FKBP5: variants seen among roughly 807,000 people sequenced by gnomAD.
The protein encoded by FKBP5 is peptidyl-prolyl cis-trans isomerase FKBP5.
Under a neutral mutation model 50.5 loss-of-function variants are expected in FKBP5, and 23 were observed. The observed-to-expected ratio is 0.46, with a 90% CI of 0.33 to 0.65. The LOEUF is 0.65. Ranked by LOEUF, FKBP5 falls within the 30% of genes least tolerant of loss-of-function variation. The probability of loss-of-function intolerance (pLI) is 0.02; values close to 1 mark genes in which losing one functional copy is unlikely to be tolerated. For synonymous variants in FKBP5, 176 were observed against 190.6 expected (o/e 0.92, Z 0.63); for missense variants, 411 against 553.1 (o/e 0.74, Z 2.58).
intron 8 of FKBP5, 43 bp from the exon 9 acceptor site, chr6:35,580,264 G>C: frequency 6.7e-7 from 1 of 1,496,316 alleles, no homozygotes; most frequent in Non-Finnish European, 9.1e-7. Flanking sequence ...GCTCTTGAGG[G>C]GGTACAAAAG....
At chr6:35,593,453 T>C (rs1762882977) in intron 6 of FKBP5, among the ~76,000 whole-genome samples, 1 of 152,220 alleles carries the variant, frequency 6.6e-6, no homozygotes, top group Non-Finnish European at 1.5e-5. Context: ...CAGGCAGTGG[T>C]AGAGCCAGGT....
At chr6:35,722,256 T>C (rs1766624936) in intron 1 of FKBP5, among the ~76,000 whole-genome samples, 1 of 152,208 alleles carries the variant, frequency 6.6e-6, no homozygotes, top group Non-Finnish European at 1.5e-5. Flanking sequence ...TGGGGTTTAA[T>C]GACCCATTCA....
intron 5 of FKBP5, among the ~76,000 whole-genome samples, chr6:35,610,762 T>C (rs943585808): frequency 6.6e-6 from 1 of 152,034 alleles, no homozygotes; most frequent in East Asian, 1.9e-4. Context: ...AGTCAGACCG[T>C]AGTCTAGTAG....
At position 35,695,376 on chromosome 6, in the gene FKBP5, G is replaced by A. The variant is rs546227886; in HGVS notation, c.-20+24952C>T. On this transcript the variant is annotated intron_variant, in intron 2 of 11. Transcript: ENST00000536438. ...AGACTGGGTTTCACCATGTTGGCCA[G>A]GCTGGTCTCAAACTCCTGACCTCAA... is the stretch of plus-strand genomic sequence containing the variant. Among the ~76,000 whole-genome samples the A allele has an allele frequency of 4.6e-5, 7 of 152,300 alleles. No individual in the cohort carries two copies. In the South Asian group the frequency reaches 1.4e-3, roughly 32 times the overall value.
At chr6:35,585,430 A>T (rs547784218) in intron 8 of FKBP5, 1 of 985,210 alleles carries the variant, frequency 1.0e-6, no homozygotes, top group East Asian at 1.1e-4. Context: ...GAGAGTTTAG[A>T]AACTCACAGA....
intron 1 of FKBP5, among the ~76,000 whole-genome samples, chr6:35,676,611 T>TTA (rs1309852193): frequency 6.6e-6 from 1 of 152,256 alleles, no homozygotes; most frequent in Non-Finnish European, 1.5e-5. Flanking sequence ...AATCATTAAA[T>TTA]TATTTTCTGC....
At chr6:35,612,399 GAA>G (rs1763518171) in intron 5 of FKBP5, among the ~76,000 whole-genome samples, 1 of 151,836 alleles carries the variant, frequency 6.6e-6, no homozygotes, top group Non-Finnish European at 1.5e-5. Context: ...AACAGAAAAA[GAA>G]AAAGAGGAGT....
intron 1 of FKBP5, among the ~76,000 whole-genome samples, chr6:35,669,772 C>G (rs1479075629): frequency 6.6e-6 from 1 of 152,180 alleles, no homozygotes; most frequent in East Asian, 1.9e-4. Flanking sequence ...ATTCACATAA[C>G]AAACCTCTTA....
chr6:35,580,344 C>G (rs1762385725), intron 8 of FKBP5, 123 bp from the exon 9 acceptor site: 2 of 771,870 alleles, frequency 2.6e-6, no homozygotes, highest in South Asian at 3.5e-5. Context: ...TTCTTTCCTT[C>G]TGGAGATGGC....
chr6:35,705,258 ATTTTTTTTTTTT>A (rs199875825), intron 2 of FKBP5, among the ~76,000 whole-genome samples: 1 of 7,766 alleles, frequency 1.3e-4, no homozygotes, highest in East Asian at 5.1e-3. Flanking sequence ...ATATATATAT[ATTTTTTTTTTTT>A]TTTTTTTTTT....
chr6:35,587,091 G>C lies in FKBP5; in HGVS notation c.783C>G (p.Thr261=). Residue 261 remains threonine, a synonymous_variant, in exon 8 of 11, where the codon ACC becomes ACG. Transcript: ENST00000357266. The stretch of plus-strand genomic sequence containing the variant: ...TGGCAGCCTGCTCCAATTTTTCTTT[G>C]GTATCCATCTCCCAGGATTCTTTGG... The part of the protein sequence containing the change: ...EKAKESWEMD[T]KEKLEQAAIV... The C allele has an allele frequency of 2.5e-6, 4 of 1,613,932 alleles. No homozygotes were observed. In the South Asian group the frequency reaches 4.4e-5, roughly 18 times the overall value.
intron 3 of FKBP5, among the ~76,000 whole-genome samples, chr6:35,636,126 C>T (rs540987013): frequency 3.5e-4 from 53 of 152,244 alleles, no homozygotes; most frequent in African/African-American, 1.2e-3. Context: ...CTTAGTTATA[C>T]AGATCTTCCA....
chr6:35,715,668 C>T (rs1032058199), intron 2 of FKBP5, among the ~76,000 whole-genome samples: 2 of 152,210 alleles, frequency 1.3e-5, no homozygotes, highest in East Asian at 3.8e-4. Context: ...TGGAACTTAA[C>T]GTGCAGCTGG....
At chr6:35,595,371 C>G (rs1762956768) in intron 6 of FKBP5, among the ~76,000 whole-genome samples, 1 of 152,150 alleles carries the variant, frequency 6.6e-6, no homozygotes, top group African/African-American at 2.4e-5. Flanking sequence ...CCTAAGGGAG[C>G]TTAAATTTTG....
intron 5 of FKBP5, among the ~76,000 whole-genome samples, chr6:35,600,151 G>A (rs1004401401): frequency 2.0e-5 from 3 of 152,144 alleles, no homozygotes; most frequent in African/African-American, 4.8e-5. Context: ...ATAATCTCAC[G>A]GGACCACTGT....
chr6:35,650,376 T>C (rs1259562952), intron 1 of FKBP5, among the ~76,000 whole-genome samples: 3 of 151,428 alleles, frequency 2.0e-5, no homozygotes, highest in Non-Finnish European at 2.9e-5. Context: ...TAGTGCCCAG[T>C]GATGATTTGG....
chr6:35,719,438 T>C (rs1296578761), intron 2 of FKBP5, among the ~76,000 whole-genome samples: 1 of 152,188 alleles, frequency 6.6e-6, no homozygotes, highest in Non-Finnish European at 1.5e-5. Context: ...GCTGTACACT[T>C]AAGATCTGTG....
intron 1 of FKBP5, among the ~76,000 whole-genome samples, chr6:35,683,934 T>C (rs949802560): frequency 6.6e-6 from 1 of 152,032 alleles, no homozygotes. Context: ...GGTGTGTACC[T>C]GTAATCCCAG....
chr6:35,644,266 G>A (rs1456088291), intron 1 of FKBP5, among the ~76,000 whole-genome samples: 2 of 151,982 alleles, frequency 1.3e-5, no homozygotes, highest in African/African-American at 4.8e-5. Context: ...GTTTGGGCAG[G>A]GAAAATCAAG....
Sources: gnomAD v4.1 joint callset for allele counts (sites outside exome capture counted in the v4.1 genomes callset) on GRCh38, gnomAD v4.1.1 for gene constraint, MANE v1.5 for transcripts, NCBI Gene and HGNC (gene_info 2026-07-23, HGNC 2026-07-21) for gene names.